SMYD3: variants seen among roughly 807,000 people sequenced by gnomAD.
SMYD3 encodes SET and MYND domain containing 3.
Under a neutral mutation model 57.7 loss-of-function variants are expected in SMYD3, and 36 were observed. That is an observed-to-expected ratio of 0.62 (90% confidence interval 0.48 to 0.82). SMYD3 has a LOEUF of 0.82. SMYD3 is among the 40% of genes least tolerant of loss of function. SMYD3 has a pLI of 0.00. For synonymous variants in SMYD3, 211 were observed against 195.0 expected, an observed-to-expected ratio of 1.08 and a Z score of -0.68; for missense variants, 515 against 538.8, an observed-to-expected ratio of 0.96 and a Z score of 0.44.
intron 1 of SMYD3, among the ~76,000 whole-genome samples, chr1:246,441,417 A>G (rs2067460570): frequency 6.6e-6 from 1 of 152,162 alleles, no homozygotes; most frequent in South Asian, 2.1e-4. Flanking sequence ...CATTCACTAT[A>G]TTGAGGAGGC....
intron 5 of SMYD3, among the ~76,000 whole-genome samples, chr1:246,234,636 A>C (rs2063486317): frequency 1.2e-5 from 1 of 85,976 alleles, no homozygotes; most frequent in Admixed American, 1.3e-4. Flanking sequence ...TGGCCTATCC[A>C]TGCCACTATG....
At chr1:246,081,190 T>G (rs34467796) in intron 5 of SMYD3, among the ~76,000 whole-genome samples, 12,348 of 152,182 alleles carry the variant, frequency 0.081, 593 homozygotes, top group African/African-American at 0.12. Flanking sequence ...CTTCAAAATC[T>G]AAAGTCAAAA....
At chr1:246,047,531 T>C (rs1401128602) in intron 5 of SMYD3, among the ~76,000 whole-genome samples, 1 of 152,194 alleles carries the variant, frequency 6.6e-6, no homozygotes, top group Admixed American at 6.5e-5. Flanking sequence ...AGACTAAATA[T>C]CTCAATCTTA....
At chr1:245,814,848 G>GCACGCACACACGCACACACATGCACA (rs1558376108) in intron 10 of SMYD3, among the ~76,000 whole-genome samples, 4 of 148,532 alleles carry the variant, frequency 2.7e-5, no homozygotes, top group Non-Finnish European at 5.9e-5. Flanking sequence ...ACACATGCAC[G>GCACGCACACACGCACACACATGCACA]CACACACACG....
chr1:246,081,297 A>G (rs925830403), intron 5 of SMYD3, among the ~76,000 whole-genome samples: 4 of 152,236 alleles, frequency 2.6e-5, no homozygotes, highest in Non-Finnish European at 5.9e-5. Context: ...TCTAAATAGA[A>G]GCTTCAAAAG....
intron 5 of SMYD3, among the ~76,000 whole-genome samples, chr1:246,245,334 T>TA (rs2063684721): frequency 2.0e-5 from 3 of 152,112 alleles, no homozygotes; most frequent in African/African-American, 7.2e-5. Context: ...TCCCAGCTAT[T>TA]CAGGAGGCTG....
At chr1:245,829,523 C>G (rs898040519) in intron 10 of SMYD3, among the ~76,000 whole-genome samples, 1 of 152,080 alleles carries the variant, frequency 6.6e-6, no homozygotes, top group Non-Finnish European at 1.5e-5. Context: ...CTCCGTATTA[C>G]TCTCATATAT....
intron 5 of SMYD3, among the ~76,000 whole-genome samples, chr1:246,209,549 T>A (rs1186415145): frequency 2.0e-5 from 3 of 151,706 alleles, no homozygotes; most frequent in Non-Finnish European, 4.4e-5. Flanking sequence ...GATTCATAAC[T>A]GACAGACCAC....
chr1:246,399,446 C>T (rs2066732167), intron 1 of SMYD3, among the ~76,000 whole-genome samples: 1 of 151,538 alleles, frequency 6.6e-6, no homozygotes, highest in South Asian at 2.1e-4. Context: ...GCAATTCTCC[C>T]GCCTCAGCCT....
intron 1 of SMYD3, among the ~76,000 whole-genome samples, chr1:246,403,309 C>T (rs2066802686): frequency 6.6e-6 from 1 of 150,948 alleles, no homozygotes; most frequent in Non-Finnish European, 1.5e-5. Context: ...GCCTGGGCAA[C>T]ATAGTAAGGC....
rs141709823 is a variant in SMYD3, at chr1:246,259,695, C to T, written c.531+67506G>A. ...AGACAATGGGCTGATACATAGAATG[C>T]ATAGTGGTCTGAGCTCCCTGCTCAG... On this transcript the variant is annotated intron_variant, in intron 5 of 11. Coordinates refer to ENST00000490107, the MANE Select transcript of SMYD3 (RefSeq NM_001167740.2). 3.3e-5 allele frequency among the ~76,000 whole-genome samples: 5 copies of T among 152,290 alleles called. No homozygotes were observed. In the East Asian group the frequency reaches 9.6e-4, roughly 29 times the overall value.
intron 10 of SMYD3, among the ~76,000 whole-genome samples, chr1:245,825,279 A>C (rs1025610296): frequency 6.6e-6 from 1 of 152,184 alleles, no homozygotes; most frequent in Non-Finnish European, 1.5e-5. Flanking sequence ...TTGGAAACCC[A>C]CAACGGCTCC....
At chr1:245,947,384 C>CT (rs2057460178) in intron 5 of SMYD3, 1 of 457,006 alleles carries the variant, frequency 2.2e-6, no homozygotes, top group Non-Finnish European at 4.4e-6. Flanking sequence ...AGTAAGCTTC[C>CT]TTCCTACCCC....
At chr1:246,398,506 T>C (rs10802401) in intron 1 of SMYD3, among the ~76,000 whole-genome samples, 49,554 of 152,184 alleles carry the variant, frequency 0.33, 8,461 homozygotes, top group Non-Finnish European at 0.36. Flanking sequence ...ATGTACAACA[T>C]GCAGTGGTGA....
chr1:246,008,968 A>T (rs2059227670), intron 5 of SMYD3, among the ~76,000 whole-genome samples: 1 of 152,196 alleles, frequency 6.6e-6, no homozygotes, highest in African/African-American at 2.4e-5. Context: ...TGCCAGCCGT[A>T]CCGCTTGCTA....
chr1:246,394,251 A>G (rs1313281669), intron 1 of SMYD3, among the ~76,000 whole-genome samples: 4 of 152,224 alleles, frequency 2.6e-5, no homozygotes, highest in Non-Finnish European at 5.9e-5. Flanking sequence ...TCTCTAACAC[A>G]TTGGAATGTA....
At chr1:246,496,058 T>C (rs2068355513) in intron 1 of SMYD3, among the ~76,000 whole-genome samples, 5 of 151,940 alleles carry the variant, frequency 3.3e-5, no homozygotes, top group Admixed American at 2.6e-4. Context: ...ATTGTTTTGA[T>C]ATGGAGTCTC....
intron 1 of SMYD3, among the ~76,000 whole-genome samples, chr1:246,447,029 CAAAA>C (rs57473890): frequency 3.7e-5 from 4 of 109,138 alleles, no homozygotes; most frequent in African/African-American, 6.7e-5. Context: ...ACTCCGTCTC[CAAAA>C]AAAAAAAAAA....
chr1:245,878,482 C>T (rs2052608667), intron 8 of SMYD3, among the ~76,000 whole-genome samples: 1 of 152,124 alleles, frequency 6.6e-6, no homozygotes, highest in Admixed American at 6.5e-5. Flanking sequence ...CAGGAAGAGA[C>T]AGAATGGGTG....
Sources: allele counts gnomAD v4.1 joint callset (sites outside exome capture counted in the v4.1 genomes callset), GRCh38; gene constraint gnomAD v4.1.1; transcripts MANE v1.5; gene names NCBI Gene and HGNC (gene_info 2026-07-23, HGNC 2026-07-21).